Variants in KCND2 observed in about 807,000 individuals in gnomAD.
The protein encoded by KCND2 is A-type voltage-gated potassium channel KCND2.
In KCND2, 16 loss-of-function variants were observed where a neutral mutation model predicts 54.4. The ratio of observed to expected loss-of-function variants is 0.29; its 90% CI spans 0.20 to 0.45. The LOEUF (loss-of-function observed/expected upper bound fraction) is 0.45. Ranked by LOEUF, KCND2 falls within the 20% of genes least tolerant of loss-of-function variation. KCND2 has a pLI of 1.00. For synonymous variants in KCND2, 317 were observed against 310.7 expected (o/e 1.02, Z -0.21); for missense variants, 486 against 824.2 (o/e 0.59, Z 5.02).
chr7:120,519,674 A>G (rs563538844), intron 1 of KCND2, among the ~76,000 whole-genome samples: 6 of 152,284 alleles, frequency 3.9e-5, no homozygotes, highest in Admixed American at 2.6e-4. Flanking sequence ...TCAGCAGTAG[A>G]AAACTAATTA....
At chr7:120,571,440 C>T (rs1051464685) in intron 1 of KCND2, among the ~76,000 whole-genome samples, 10 of 152,106 alleles carry the variant, frequency 6.6e-5, no homozygotes, top group Non-Finnish European at 1.0e-4. Context: ...AATAAGGGTT[C>T]GTGAAAGGAA....
intron 1 of KCND2, among the ~76,000 whole-genome samples, chr7:120,432,497 A>G (rs1461305692): frequency 7.4e-6 from 1 of 135,328 alleles, no homozygotes; most frequent in East Asian, 2.7e-4. Context: ...GTATGTGAAT[A>G]CACGCACACA....
rs113270247 is a variant in KCND2, at chr7:120,275,320, T to C, written c.688T>C (p.Phe230Leu). 5.0e-6 allele frequency: 8 copies of C among 1,613,694 alleles called. No homozygotes were observed. Among genetic ancestry groups the C allele is most frequent in the South Asian group, 1.1e-5 (1 of 91,068 alleles). ...TGGAGAGCGGTATGCTGTGGCCTTC[T>C]TCTGCTTGGACACGGCCTGCGTCAT... is the stretch of plus-strand genomic sequence containing the variant. Reference protein sequence around the residue: ...PCGERYAVAFFCLDTACVMIF... With the variant: ...PCGERYAVAFLCLDTACVMIF... Residue 230 changes from phenylalanine (F) to leucine (L), a missense_variant, in exon 1 of 6, where the codon TTC becomes CTC. Phe to Leu is a conservative substitution (Grantham distance 22). Transcript: ENST00000331113.
At chr7:120,593,029 A>G (rs950194310) in intron 1 of KCND2, among the ~76,000 whole-genome samples, 89 of 152,342 alleles carry the variant, frequency 5.8e-4, no homozygotes, top group African/African-American at 1.9e-3. Context: ...ATAAGCAAAC[A>G]GTTTTTGTTA....
At chr7:120,606,288 A>C (rs1248418219) in intron 1 of KCND2, among the ~76,000 whole-genome samples, 1 of 152,166 alleles carries the variant, frequency 6.6e-6, no homozygotes, top group Non-Finnish European at 1.5e-5. Flanking sequence ...TGTATATTCA[A>C]AATACAAATT....
chr7:120,559,962 A>T (rs995678229), intron 1 of KCND2, among the ~76,000 whole-genome samples: 2 of 152,212 alleles, frequency 1.3e-5, no homozygotes, highest in African/African-American at 4.8e-5. Flanking sequence ...GGACAATGCT[A>T]ACGTAAAATA....
In KCND2 at chr7:120,551,273, T is replaced by A. The variant is rs546234674; in HGVS notation, c.1116-181630T>A. ...AAGTGCTATACAATTATAAGCCATT[T>A]CTTTCTATTAAAAGTAGTTTCCTAA... On this transcript the variant is annotated intron_variant, in intron 1 of 5. Transcript: ENST00000331113. Among the ~76,000 whole-genome samples, 5 of 152,344 alleles carry A rather than the reference T, an allele frequency of 3.3e-5. No individual in the cohort carries two copies. In the East Asian group the frequency reaches 9.6e-4, roughly 29 times the overall value.
At chr7:120,360,503 A>G (rs1402973957) in intron 1 of KCND2, among the ~76,000 whole-genome samples, 1 of 152,064 alleles carries the variant, frequency 6.6e-6, no homozygotes, top group East Asian at 1.9e-4. Context: ...AAACTGCCAA[A>G]TTTAACAGGA....
chr7:120,485,484 GT>G (rs1436339204), intron 1 of KCND2, among the ~76,000 whole-genome samples: 1 of 152,100 alleles, frequency 6.6e-6, no homozygotes, highest in Admixed American at 6.6e-5. Flanking sequence ...CATATGCCCG[GT>G]TTTTCACAAA....
chr7:120,723,088 T>C (rs1792689314), intron 1 of KCND2, among the ~76,000 whole-genome samples: 2 of 152,090 alleles, frequency 1.3e-5, no homozygotes, highest in South Asian at 2.1e-4. Context: ...CAGGAAGAGA[T>C]GGAAGCAATG....
At chr7:120,412,867 G>A (rs966136652) in intron 1 of KCND2, among the ~76,000 whole-genome samples, 2 of 152,076 alleles carry the variant, frequency 1.3e-5, no homozygotes, top group Admixed American at 6.6e-5. Context: ...CCACGCTAAA[G>A]CAGCAGCCCT....
intron 1 of KCND2, among the ~76,000 whole-genome samples, chr7:120,604,571 G>A (rs942875182): frequency 3.3e-5 from 5 of 149,992 alleles, no homozygotes; most frequent in African/African-American, 1.2e-4. Context: ...TTAAACTAAG[G>A]TAGTGTCTTT....
intron 1 of KCND2, among the ~76,000 whole-genome samples, chr7:120,638,891 A>G (rs1011292912): frequency 2.0e-5 from 3 of 152,098 alleles, no homozygotes; most frequent in African/African-American, 2.4e-5. Flanking sequence ...TGTGGGATAT[A>G]TGTGGTGTGT....
chr7:120,699,292 A>G (rs1792371509), intron 1 of KCND2, among the ~76,000 whole-genome samples: 1 of 151,954 alleles, frequency 6.6e-6, no homozygotes, highest in Non-Finnish European at 1.5e-5. Context: ...AAAAAAAAAA[A>G]AAGTTATTAA....
intron 1 of KCND2, among the ~76,000 whole-genome samples, chr7:120,471,351 GC>G (rs1802449893): frequency 6.6e-6 from 1 of 152,050 alleles, no homozygotes; most frequent in Admixed American, 6.6e-5. Context: ...GCAAACAGCA[GC>G]AAGTTATGAT....
chr7:120,334,171 T>C (rs114670653), intron 1 of KCND2, among the ~76,000 whole-genome samples: 27 of 152,278 alleles, frequency 1.8e-4, no homozygotes, highest in African/African-American at 6.3e-4. Flanking sequence ...TGAATCCATG[T>C]CAAATGAACA....
At chr7:120,680,156 C>T (rs1268645169) in intron 1 of KCND2, among the ~76,000 whole-genome samples, 1 of 151,938 alleles carries the variant, frequency 6.6e-6, no homozygotes, top group Non-Finnish European at 1.5e-5. Context: ...TTTTTATAGC[C>T]CAAACAAGGT....
At chr7:120,582,029 A>G (rs1439933571) in intron 1 of KCND2, among the ~76,000 whole-genome samples, 1 of 152,096 alleles carries the variant, frequency 6.6e-6, no homozygotes, top group East Asian at 1.9e-4. Context: ...TAACAATTTA[A>G]CAAGGTGCAA....
intron 1 of KCND2, among the ~76,000 whole-genome samples, chr7:120,480,443 T>C (rs1035320678): frequency 2.6e-5 from 4 of 152,198 alleles, no homozygotes; most frequent in African/African-American, 9.7e-5. Context: ...TTTTTGACAA[T>C]AGAGATCAGT....
Sources: gnomAD v4.1 joint callset for allele counts (sites outside exome capture counted in the v4.1 genomes callset) on GRCh38, gnomAD v4.1.1 for gene constraint, MANE v1.5 for transcripts, NCBI Gene and HGNC (gene_info 2026-07-23, HGNC 2026-07-21) for gene names.